The following CRBN variants were observed in gnomAD, a reference collection of about 807,000 sequenced individuals.
The protein encoded by CRBN is cereblon.
CRBN carries 53 observed loss-of-function variants against 62.2 expected under a neutral mutation model. The observed-to-expected ratio is 0.85, with a 90% CI of 0.68 to 1.07. The LOEUF is 1.07. CRBN is among the 50% of genes least tolerant of loss of function. The pLI is 0.00. For synonymous variants in CRBN, 208 were observed against 176.1 expected (o/e 1.18, Z -1.43); for missense variants, 616 against 531.1 (o/e 1.16, Z -1.57).
rs572140736 is a variant in CRBN at position 3,163,958 on chromosome 3, T to C, written c.687+3676A>G. Among the ~76,000 whole-genome samples, 79 of 152,330 alleles carry C rather than the reference T, an allele frequency of 5.2e-4. 1 individual carries two copies. Among genetic ancestry groups the C allele is most frequent in the African/African-American group, 1.9e-3 (78 of 41,594 alleles). ...TCTCACAATATTTCACACTTTTTCA[T>C]TGTTATATCTGTTATGATGATTTGT... On this transcript the variant is annotated intron_variant, in intron 5 of 10. Transcript: ENST00000231948.
intron 4 of CRBN, among the ~76,000 whole-genome samples, chr3:3,170,136 T>C (rs1357834334): frequency 6.6e-6 from 1 of 152,078 alleles, no homozygotes; most frequent in Non-Finnish European, 1.5e-5. Flanking sequence ...CAGGCCACCA[T>C]GCCCAGCTAA....
At chr3:3,178,798 C>A (rs931688954) in intron 1 of CRBN, among the ~76,000 whole-genome samples, 1 of 152,124 alleles carries the variant, frequency 6.6e-6, no homozygotes. Flanking sequence ...CGAAGGGACT[C>A]AAGTAATACT....
chr3:3,151,541 G>A lies in CRBN; in HGVS notation c.1149-496C>T, dbSNP rs531768214. On this transcript the variant is annotated intron_variant, in intron 10 of 10. Coordinates refer to ENST00000231948, the MANE Select transcript of CRBN (RefSeq NM_016302.4). ...GAACGATTGTCAGATAATGCAACCA[G>A]AAATACAAACCATGGTATTTTGTTC... 1.2e-4 allele frequency among the ~76,000 whole-genome samples: 18 copies of A among 152,222 alleles called. No homozygotes were observed. In the East Asian group the frequency reaches 3.5e-3, roughly 29 times the overall value.
At position 3,150,868 on chromosome 3, in the gene CRBN, CA is replaced by C; in HGVS notation, c.1325del (p.Leu442CysfsTer5). The C allele has an allele frequency of 6.2e-7, 1 of 1,613,222 alleles. No individual in the cohort carries two copies. Among genetic ancestry groups the C allele is most frequent in the Non-Finnish European group, 8.5e-7 (1 of 1,179,472 alleles). On this transcript the variant is annotated frameshift_variant, in exon 11 of 11. Coordinates refer to ENST00000231948, the MANE Select transcript of CRBN (RefSeq NM_016302.4). LOFTEE classifies it high-confidence loss of function. Reference sequence around the variant, plus strand: ...ACTTTATCTCTATCACATCTGTTTACAAGCAAAGTATTACTTTGTCTGGACT... The same window carrying C: ...ACTTTATCTCTATCACATCTGTTTACAGCAAAGTATTACTTTGTCTGGACT... ...EISPDKVILC[L>X] is the part of the protein sequence containing the mutation.
intron 10 of CRBN, 145 bp downstream of exon 10, chr3:3,152,311 C>A: frequency 1.1e-6 from 1 of 871,956 alleles, no homozygotes; most frequent in South Asian, 1.7e-5. Flanking sequence ...TGCCCCCATA[C>A]CCGGCTAATT....
chr3:3,171,366 G>T (rs1170096343), intron 4 of CRBN, among the ~76,000 whole-genome samples: 1 of 152,136 alleles, frequency 6.6e-6, no homozygotes. Flanking sequence ...AAAACAGTTT[G>T]CTAATTATCA....
At chr3:3,161,299 T>A (rs2126060049) in intron 5 of CRBN, among the ~76,000 whole-genome samples, 1 of 152,256 alleles carries the variant, frequency 6.6e-6, no homozygotes, top group South Asian at 2.1e-4. Context: ...AAACACAAAC[T>A]GCTCTTACAA....
Position 3,178,019 on chromosome 3 carries a change from A to C in CRBN, c.67+1602T>G, listed in dbSNP as rs200601270. ...AACAAAAAACAAAACAAAACAAACA[A>C]AAAAAAAACAAACAAAAAACCACGC... On this transcript the variant is annotated intron_variant, in intron 1 of 10. Transcript: ENST00000231948. Among the ~76,000 whole-genome samples the C allele has an allele frequency of 4.7e-3, 714 of 150,982 alleles. 3 individuals carry two copies. The highest frequency in any genetic ancestry group is 0.023 in the East Asian group (112 of 4,928).
chr3:3,177,484 TGTAA>T (rs970766868), intron 1 of CRBN, among the ~76,000 whole-genome samples: 3 of 152,178 alleles, frequency 2.0e-5, no homozygotes, highest in Non-Finnish European at 2.9e-5. Context: ...CCTTGGAACA[TGTAA>T]GTTTCACTGA....
At chr3:3,174,028 TG>T in intron 3 of CRBN, 30 bp downstream of exon 3, 1 of 1,554,898 alleles carries the variant, frequency 6.4e-7, no homozygotes, top group South Asian at 1.1e-5. Context: ...TGAGAGGGAA[TG>T]TATTAAGCAA....
intron 5 of CRBN, chr3:3,156,920 A>T (rs947151925): frequency 6.6e-6 from 1 of 152,402 alleles, no homozygotes; most frequent in Non-Finnish European, 1.5e-5. Context: ...TGAATTGTAG[A>T]AATTGTAGAA....
rs543393135 is a variant in CRBN, at chr3:3,153,819, G to A, written c.951+141C>T. On this transcript the variant is annotated intron_variant, in intron 8 of 10. Transcript: ENST00000231948. ...TTGACAAACACAAAACAATGAGTTT[G>A]TTTGTAAGATCCCAATTGAAATCTG... 1.2e-5 allele frequency: 8 copies of A among 677,832 alleles called. No individual in the cohort carries two copies. In the African/African-American group the frequency reaches 1.3e-4, roughly 11 times the overall value. The allele number at this position is 677,832 out of a possible 1,614,324, so 42.0% of individuals were successfully genotyped here.
At chr3:3,165,350 G>C in intron 5 of CRBN, among the ~76,000 whole-genome samples, 1 of 152,178 alleles carries the variant, frequency 6.6e-6, no homozygotes, top group African/African-American at 2.4e-5. Flanking sequence ...TGGCTTAAAT[G>C]CTATCAAACA....
intron 10 of CRBN, among the ~76,000 whole-genome samples, chr3:3,151,465 T>G (rs1291978400): frequency 6.6e-6 from 1 of 151,230 alleles, no homozygotes; most frequent in Non-Finnish European, 1.5e-5. Flanking sequence ...TTAAACTGGA[T>G]GGGCCAGGAA....
Position 3,150,644 on chromosome 3 carries a change from T to A in CRBN, c.*221A>T, listed in dbSNP as rs1575075144. On this transcript the variant is annotated 3_prime_UTR_variant, in exon 11 of 11. Coordinates refer to ENST00000231948, the MANE Select transcript of CRBN (RefSeq NM_016302.4). ...AATGGCACCAAGCTACCCAAGTAGA[T>A]GTTTCTGGTATTCTAGACTGCCGTT... is the stretch of plus-strand genomic sequence containing the variant. 6.2e-6 allele frequency: 3 copies of A among 480,254 alleles called. No individual in the cohort carries two copies. The highest frequency in any genetic ancestry group is 1.2e-3 in the Middle Eastern group (2 of 1,676). The allele number at this position is 480,254 out of a possible 1,614,324, so 29.7% of individuals were successfully genotyped here. A position where few individuals can be genotyped will look rare whatever the true frequency, so the allele number is the denominator to read the frequency against.
chr3:3,151,072 T>G, intron 10 of CRBN, 27 bp from the exon 11 acceptor site: 1 of 1,611,582 alleles, frequency 6.2e-7, no homozygotes, highest in Non-Finnish European at 8.5e-7. Flanking sequence ...AGATATCAGC[T>G]AAGGAAACAT....
intron 1 of CRBN, among the ~76,000 whole-genome samples, chr3:3,178,543 G>A (rs1707926452): frequency 1.3e-5 from 2 of 152,110 alleles, no homozygotes; most frequent in Non-Finnish European, 2.9e-5. Flanking sequence ...TCCTAAATAT[G>A]TGCTTTTAGA....
intron 1 of CRBN, among the ~76,000 whole-genome samples, chr3:3,177,514 A>C (rs1707874662): frequency 6.6e-6 from 1 of 152,216 alleles, no homozygotes; most frequent in African/African-American, 2.4e-5. Flanking sequence ...AAAAAGAGCT[A>C]TCTAAATGGA....
At position 3,173,808 on chromosome 3, in the gene CRBN, A is replaced by G. The variant is rs571518828; in HGVS notation, c.377+251T>C. Reference sequence around the variant, plus strand: ...AAATGTTTTTCATCAAATATAAATGATTAAAAATTTTTCAAATACCAGAAA... The same window carrying G: ...AAATGTTTTTCATCAAATATAAATGGTTAAAAATTTTTCAAATACCAGAAA... On this transcript the variant is annotated intron_variant, in intron 3 of 10. Transcript: ENST00000231948. 4.4e-4 allele frequency: 225 copies of G among 516,240 alleles called. 2 individuals carry two copies. The highest frequency in any genetic ancestry group is 6.4e-4 in the Non-Finnish European group (185 of 288,270). 32.0% of individuals were successfully genotyped at this position (516,240 alleles called of 1,614,324 possible). A position where few individuals can be genotyped will look rare whatever the true frequency, so the allele number is the denominator to read the frequency against.
Sources: allele counts gnomAD v4.1 joint callset (sites outside exome capture counted in the v4.1 genomes callset), GRCh38; gene constraint gnomAD v4.1.1; transcripts MANE v1.5; gene names NCBI Gene and HGNC (gene_info 2026-07-23, HGNC 2026-07-21).